LGR6: variants seen among roughly 807,000 people sequenced by gnomAD.
LGR6 encodes the protein leucine rich repeat containing G protein-coupled receptor 6, also known as leucine-rich repeat-containing G protein-coupled receptor 6.
LGR6 carries 45 observed loss-of-function variants against 69.4 expected under a neutral mutation model. That is an observed-to-expected ratio of 0.65 (90% CI 0.51 to 0.83). LGR6 has a LOEUF of 0.83. Ranked by LOEUF, LGR6 falls within the 40% of genes least tolerant of loss-of-function variation. LGR6 has a pLI of 0.00. For synonymous variants in LGR6, 538 were observed against 555.0 expected, an observed-to-expected ratio of 0.97 and a Z score of 0.43; for missense variants, 1,108 against 1,246.7, an observed-to-expected ratio of 0.89 and a Z score of 1.68.
At chr1:202,262,379 G>A (rs1664304940) in intron 4 of LGR6, among the ~76,000 whole-genome samples, 1 of 152,008 alleles carries the variant, frequency 6.6e-6, no homozygotes, top group Non-Finnish European at 1.5e-5. Flanking sequence ...TCTCAGGTTT[G>A]TCAAAGATCA....
intron 1 of LGR6, among the ~76,000 whole-genome samples, chr1:202,215,105 G>A (rs563446437): frequency 1.7e-3 from 258 of 151,112 alleles, no homozygotes; most frequent in Non-Finnish European, 3.1e-3. Flanking sequence ...TCTGGGATGG[G>A]GTTAGTGAGG....
chr1:202,307,433 C>CTG (rs1653332679), intron 14 of LGR6, 32 bp downstream of exon 14: 1 of 1,606,466 alleles, frequency 6.2e-7, no homozygotes, highest in African/African-American at 1.3e-5. Context: ...CTCCAGGATG[C>CTG]TGGGGGCCAG....
In LGR6 at chr1:202,243,260, T is replaced by C. The variant is rs576099655; in HGVS notation, c.428+7267T>C. On this transcript the variant is annotated intron_variant, in intron 4 of 17. Coordinates refer to ENST00000367278, the MANE Select transcript of LGR6 (RefSeq NM_001017403.2). ...TCAGCTGGGGCGTGCCTGGGGCTCCTGGATTGCCCTATTTCTGTCATTACC... is the reference window on the plus strand; with the variant it reads ...TCAGCTGGGGCGTGCCTGGGGCTCCCGGATTGCCCTATTTCTGTCATTACC... Among the ~76,000 whole-genome samples, 3 of 152,246 alleles carry C rather than the reference T, an allele frequency of 2.0e-5. No homozygotes were observed. In the South Asian group the frequency reaches 6.2e-4, roughly 32 times the overall value.
intron 5 of LGR6, among the ~76,000 whole-genome samples, chr1:202,277,430 C>G (rs981244680): frequency 2.0e-5 from 3 of 152,046 alleles, no homozygotes; most frequent in Non-Finnish European, 4.4e-5. Flanking sequence ...GGGTGCCATA[C>G]CCTCCCTTCT....
intron 6 of LGR6, among the ~76,000 whole-genome samples, chr1:202,292,278 A>C (rs1571978475): frequency 6.6e-6 from 1 of 152,208 alleles, no homozygotes; most frequent in African/African-American, 2.4e-5. Context: ...GCAGATGTGT[A>C]GTAGCTAAGA....
intron 1 of LGR6, chr1:202,194,464 G>A (rs1424652547): frequency 3.2e-6 from 2 of 620,342 alleles, no homozygotes; most frequent in African/African-American, 3.7e-5. Flanking sequence ...TGGGAGCCCA[G>A]GCTTGGCGAG....
At chr1:202,280,951 T>C (rs1665954996) in intron 6 of LGR6, 99 bp downstream of exon 6, 7 of 1,082,586 alleles carry the variant, frequency 6.5e-6, no homozygotes, top group Middle Eastern at 2.1e-4. Flanking sequence ...CCAGCAGTCC[T>C]GGGATGCTGG....
At chr1:202,222,108 C>T (rs1660199401) in intron 1 of LGR6, among the ~76,000 whole-genome samples, 1 of 152,230 alleles carries the variant, frequency 6.6e-6, no homozygotes, top group South Asian at 2.1e-4. Context: ...CTTGGTGGCT[C>T]TCGGCCTTGA....
At chr1:202,300,620 A>G (rs1667512835) in intron 7 of LGR6, among the ~76,000 whole-genome samples, 1 of 151,388 alleles carries the variant, frequency 6.6e-6, no homozygotes, top group East Asian at 1.9e-4. Context: ...AGATCGCATC[A>G]TTGCACTCCA....
At position 202,249,877 on chromosome 1, in the gene LGR6, C is replaced by T. The variant is rs186570923; in HGVS notation, c.428+13884C>T. On this transcript the variant is annotated intron_variant, in intron 4 of 17. Coordinates refer to ENST00000367278, the MANE Select transcript of LGR6 (RefSeq NM_001017403.2). Reference sequence around the variant, plus strand: ...ACTCTGGACTTACCCCAGTCTTTTCCCCACATTGCAGCCAGATGGATCTTA... The same window carrying T: ...ACTCTGGACTTACCCCAGTCTTTTCTCCACATTGCAGCCAGATGGATCTTA... 3.3e-5 allele frequency among the ~76,000 whole-genome samples: 5 copies of T among 152,300 alleles called. No individual in the cohort carries two copies. The East Asian group carries it at 5.8e-4, about 18-fold the overall frequency.
chr1:202,280,272 G>A (rs950324558), intron 5 of LGR6, among the ~76,000 whole-genome samples: 2 of 152,072 alleles, frequency 1.3e-5, no homozygotes, highest in African/African-American at 2.4e-5. Context: ...AGCCTGCCTC[G>A]ATTCCTCTGG....
chr1:202,301,024 C>A, intron 8 of LGR6, 104 bp downstream of exon 8: 1 of 1,298,660 alleles, frequency 7.7e-7, no homozygotes, highest in Non-Finnish European at 1.1e-6. Context: ...ACCAGGGAGG[C>A]AGAAGTATGG....
chr1:202,225,573 G>C, intron 2 of LGR6, 79 bp downstream of exon 2: 1 of 1,311,316 alleles, frequency 7.6e-7, no homozygotes, highest in Non-Finnish European at 1.1e-6. Context: ...CCCAGGAGGT[G>C]GGGTGGAGAG....
intron 6 of LGR6, among the ~76,000 whole-genome samples, chr1:202,295,309 C>A (rs1295277153): frequency 8.5e-6 from 1 of 117,696 alleles, no homozygotes; most frequent in Non-Finnish European, 1.6e-5. Flanking sequence ...GCCCAGGCGA[C>A]AGAGCAAGAC....
At chr1:202,265,000 CAGTG>C (rs1054800017) in intron 4 of LGR6, among the ~76,000 whole-genome samples, 112 of 152,232 alleles carry the variant, frequency 7.4e-4, no homozygotes, top group African/African-American at 2.6e-3. Context: ...GAGAGGCTGA[CAGTG>C]AGGGGAAGGA....
Position 202,318,327 on chromosome 1 carries a change from G to A in LGR6, c.2024G>A (p.Arg675Gln), listed in dbSNP as rs767586087. 2.1e-5 allele frequency: 33 copies of A among 1,594,022 alleles called. No homozygotes were observed. Among genetic ancestry groups the A allele is most frequent in the South Asian group, 5.7e-5 (5 of 87,420 alleles). Residue 675 changes from arginine (R) to glutamine (Q), a missense_variant, in exon 18 of 18, where the codon CGG (arginine) becomes CAG (glutamine). Arg to Gln is a conservative substitution (Grantham distance 43). Transcript: ENST00000367278. ...VQCSVSVSCVRAYGKSPSLGS... is the reference protein window; with the variant it reads ...VQCSVSVSCVQAYGKSPSLGS... ...TGCAGCGTCTCCGTCTCCTGTGTCC[G>A]GGCCTATGGGAAGTCCCCCTCCCTG...
intron 4 of LGR6, among the ~76,000 whole-genome samples, chr1:202,244,377 C>G (rs1307699827): frequency 6.6e-6 from 1 of 152,176 alleles, no homozygotes; most frequent in Non-Finnish European, 1.5e-5. Context: ...AACAAAACAT[C>G]AAAAACTGGG....
intron 4 of LGR6, among the ~76,000 whole-genome samples, chr1:202,249,356 A>C (rs1663031871): frequency 6.6e-6 from 1 of 152,030 alleles, no homozygotes; most frequent in African/African-American, 2.4e-5. Flanking sequence ...TTCTCCTTGG[A>C]AGCTCCTCTT....
intron 8 of LGR6, 114 bp downstream of exon 8, chr1:202,301,034 G>A: frequency 7.7e-7 from 1 of 1,291,280 alleles, no homozygotes; most frequent in Non-Finnish European, 1.1e-6. Flanking sequence ...CAGAAGTATG[G>A]GAGGGGTTGC....
Sources: gnomAD v4.1 joint callset for allele counts (sites outside exome capture counted in the v4.1 genomes callset) on GRCh38, gnomAD v4.1.1 for gene constraint, MANE v1.5 for transcripts, NCBI Gene and HGNC (gene_info 2026-07-23, HGNC 2026-07-21) for gene names.